The following SLC39A11 variants were observed in gnomAD, a reference collection of about 807,000 sequenced individuals.
The protein encoded by SLC39A11 is solute carrier family 39 member 11.
Under a neutral mutation model 36.1 loss-of-function variants are expected in SLC39A11, and 33 were observed. The observed-to-expected ratio is 0.91, with a 90% CI of 0.69 to 1.22. The LOEUF is 1.22. Ranked by LOEUF, SLC39A11 falls within the 50% of genes most tolerant of loss-of-function variation. SLC39A11 has a pLI of 0.00. For synonymous variants in SLC39A11, 166 were observed against 170.3 expected (o/e 0.97, Z 0.20); for missense variants, 432 against 430.3 (o/e 1.00, Z -0.03).
rs962275115 is a variant in SLC39A11, at chr17:72,994,652, C to G, written c.306+36904G>C. Among the ~76,000 whole-genome samples, 4 of 152,120 alleles carry G rather than the reference C, an allele frequency of 2.6e-5. No homozygotes were observed. The South Asian group carries it at 6.2e-4, about 24-fold the overall frequency. ...AATTAGAAATCTGAGCTCTGGTACTCCACAAACAGGATCCAGCCTACTTTA... is the reference window on the plus strand; with the variant it reads ...AATTAGAAATCTGAGCTCTGGTACTGCACAAACAGGATCCAGCCTACTTTA... On this transcript the variant is annotated intron_variant, in intron 4 of 9. Transcript: ENST00000255559.
In SLC39A11 at chr17:72,934,291, G is replaced by C. The variant is rs149279422; in HGVS notation, c.430+13461C>G. Among the ~76,000 whole-genome samples, 743 of 152,256 alleles carry C rather than the reference G, an allele frequency of 4.9e-3. 6 individuals carry two copies. Among genetic ancestry groups the C allele is most frequent in the Non-Finnish European group, 7.1e-3 (480 of 68,002 alleles). Reference sequence around the variant, plus strand: ...ATCTCCAAAGGCACTGTTAAGAAGAGGGAAAGGCAAGCCAGGGACTGGGAG... The same window carrying C: ...ATCTCCAAAGGCACTGTTAAGAAGACGGAAAGGCAAGCCAGGGACTGGGAG... On this transcript the variant is annotated intron_variant, in intron 5 of 9. Coordinates refer to ENST00000255559, the MANE Select transcript of SLC39A11 (RefSeq NM_139177.4).
chr17:73,009,341 C>G (rs1448922293), intron 4 of SLC39A11, among the ~76,000 whole-genome samples: 1 of 111,520 alleles, frequency 9.0e-6, no homozygotes, highest in Admixed American at 1.2e-4. Flanking sequence ...GGGGACAGAG[C>G]GAGACTCCAT....
intron 6 of SLC39A11, among the ~76,000 whole-genome samples, chr17:72,798,381 G>C (rs2076966795): frequency 6.6e-6 from 1 of 151,450 alleles, no homozygotes; most frequent in African/African-American, 2.4e-5. Context: ...TGAACAGAGA[G>C]AGAGACTGAG....
chr17:73,078,404 T>C (rs1000997621), intron 3 of SLC39A11, among the ~76,000 whole-genome samples: 12 of 151,994 alleles, frequency 7.9e-5, no homozygotes, highest in Non-Finnish European at 1.0e-4. Flanking sequence ...GATAGGTAGG[T>C]AGGTAAGTAA....
chr17:72,921,095 T>C (rs2083643374), intron 5 of SLC39A11, among the ~76,000 whole-genome samples: 1 of 152,186 alleles, frequency 6.6e-6, no homozygotes, highest in Admixed American at 6.5e-5. Context: ...ACTACAGTAA[T>C]GTGCAGTGCC....
intron 4 of SLC39A11, among the ~76,000 whole-genome samples, chr17:73,026,591 C>A (rs1242864713): frequency 6.6e-6 from 1 of 150,830 alleles, no homozygotes; most frequent in Non-Finnish European, 1.5e-5. Flanking sequence ...TAGAATGATA[C>A]CCGCTAAACT....
intron 5 of SLC39A11, among the ~76,000 whole-genome samples, chr17:72,937,573 C>T (rs1195880402): frequency 3.3e-5 from 5 of 152,158 alleles, no homozygotes; most frequent in African/African-American, 1.2e-4. Flanking sequence ...GGAAAGCTGG[C>T]CCACTAAGGC....
At chr17:72,927,518 T>C (rs976476030) in intron 5 of SLC39A11, among the ~76,000 whole-genome samples, 2 of 152,106 alleles carry the variant, frequency 1.3e-5, no homozygotes, top group Non-Finnish European at 2.9e-5. Context: ...CTGATGCTGC[T>C]TTAAAACAAA....
chr17:73,049,538 C>G (rs919234928), intron 3 of SLC39A11, among the ~76,000 whole-genome samples: 1 of 152,174 alleles, frequency 6.6e-6, no homozygotes, highest in Non-Finnish European at 1.5e-5. Flanking sequence ...AACCCTGTGC[C>G]AAGATGCTTA....
chr17:72,910,905 C>A (rs1276800105), intron 5 of SLC39A11, among the ~76,000 whole-genome samples: 2 of 133,412 alleles, frequency 1.5e-5, no homozygotes, highest in African/African-American at 2.9e-5. Flanking sequence ...CCAGCCTGGG[C>A]AACAGAGCAA....
intron 5 of SLC39A11, among the ~76,000 whole-genome samples, chr17:72,920,084 C>T (rs2083566372): frequency 6.6e-6 from 1 of 152,082 alleles, no homozygotes. Context: ...TCTTTTTGTG[C>T]TTTCGCTAAA....
intron 5 of SLC39A11, among the ~76,000 whole-genome samples, chr17:72,896,022 T>C (rs781396702): frequency 6.6e-6 from 1 of 152,008 alleles, no homozygotes; most frequent in Non-Finnish European, 1.5e-5. Flanking sequence ...TGATTCAGTA[T>C]CTTAAACTCA....
intron 1 of SLC39A11, chr17:73,092,176 C>T (rs1240409679): frequency 6.6e-6 from 1 of 152,202 alleles, no homozygotes; most frequent in Non-Finnish European, 1.5e-5. Flanking sequence ...GCAAGTTAAC[C>T]AGATTCCCAG....
At chr17:72,997,339 C>T (rs766320104) in intron 4 of SLC39A11, among the ~76,000 whole-genome samples, 4 of 152,104 alleles carry the variant, frequency 2.6e-5, no homozygotes, top group African/African-American at 4.8e-5. Flanking sequence ...CTGCAACCTC[C>T]GCCTCCCAGG....
At position 73,030,343 on chromosome 17, in the gene SLC39A11, G is replaced by A. The variant is rs570975149; in HGVS notation, c.306+1213C>T. On this transcript the variant is annotated intron_variant, in intron 4 of 9. Transcript: ENST00000255559. ...GTCTGATCCAAAGGACAGTTCTTCT[G>A]TAACACAAGGAATCTGTTTTACATT... Among the ~76,000 whole-genome samples, 10 of 152,330 alleles carry A rather than the reference G, an allele frequency of 6.6e-5. No homozygotes were observed. In the South Asian group the frequency reaches 2.1e-3, roughly 32 times the overall value.
intron 3 of SLC39A11, among the ~76,000 whole-genome samples, chr17:73,053,748 G>A (rs928421212): frequency 2.0e-5 from 3 of 152,164 alleles, no homozygotes; most frequent in Non-Finnish European, 4.4e-5. Flanking sequence ...AGCCCATGGT[G>A]CCGACCGCCC....
intron 4 of SLC39A11, among the ~76,000 whole-genome samples, chr17:73,025,157 G>T (rs2058491276): frequency 1.3e-5 from 2 of 152,178 alleles, no homozygotes; most frequent in Non-Finnish European, 1.5e-5. Context: ...GAGCTGAGAA[G>T]AGGGTGATCC....
At chr17:72,732,378 T>C (rs2074270142) in intron 7 of SLC39A11, among the ~76,000 whole-genome samples, 1 of 152,180 alleles carries the variant, frequency 6.6e-6, no homozygotes. Context: ...ATTCAGTGTA[T>C]TCAGATTTCA....
At chr17:72,792,445 A>C (rs1315379427) in intron 6 of SLC39A11, among the ~76,000 whole-genome samples, 3 of 152,170 alleles carry the variant, frequency 2.0e-5, no homozygotes, top group African/African-American at 7.2e-5. Context: ...GGTGGGAAGA[A>C]ATCTAGCCAG....
Sources: gnomAD v4.1 joint callset for allele counts (sites outside exome capture counted in the v4.1 genomes callset) on GRCh38, gnomAD v4.1.1 for gene constraint, MANE v1.5 for transcripts, NCBI Gene and HGNC (gene_info 2026-07-23, HGNC 2026-07-21) for gene names.